The following GRB14 variants were observed in gnomAD, a reference collection of about 807,000 sequenced individuals.
GRB14 encodes the protein growth factor receptor bound protein 14.
GRB14 carries 38 observed loss-of-function variants against 69.1 expected under a neutral mutation model. The observed-to-expected ratio is 0.55, with a 90% CI of 0.42 to 0.72. The LOEUF is 0.72. GRB14 is among the 30% of genes least tolerant of loss of function. GRB14 has a pLI of 0.00. For synonymous variants in GRB14, 247 were observed against 241.3 expected (o/e 1.02, Z -0.22); for missense variants, 666 against 666.1 (o/e 1.00, Z 0.00).
intron 2 of GRB14, among the ~76,000 whole-genome samples, chr2:164,574,683 T>C (rs535856934): frequency 2.6e-5 from 4 of 152,258 alleles, no homozygotes; most frequent in African/African-American, 9.6e-5. Context: ...CTTATGCCTG[T>C]AATCCCAGCC....
intron 3 of GRB14, among the ~76,000 whole-genome samples, chr2:164,534,786 T>C (rs1195466108): frequency 7.2e-5 from 11 of 152,200 alleles, no homozygotes; most frequent in Non-Finnish European, 1.6e-4. Flanking sequence ...TTTGCTGCTA[T>C]GTTCAAAACC....
chr2:164,493,823 AAG>A (rs1250049356), intron 13 of GRB14, among the ~76,000 whole-genome samples: 3 of 152,182 alleles, frequency 2.0e-5, no homozygotes, highest in Admixed American at 1.3e-4. Flanking sequence ...CCTTTCCAAA[AAG>A]ACTGAATCTT....
intron 2 of GRB14, among the ~76,000 whole-genome samples, chr2:164,551,912 G>A (rs866729631): frequency 6.6e-6 from 1 of 152,212 alleles, no homozygotes; most frequent in Non-Finnish European, 1.5e-5. Flanking sequence ...TGGTTCTGCA[G>A]GCTGGAAAAG....
intron 2 of GRB14, chr2:164,568,560 G>C: frequency 2.6e-6 from 2 of 770,474 alleles, no homozygotes; most frequent in South Asian, 9.6e-5. Flanking sequence ...TGTGGGACAG[G>C]ACAAGGCAGC....
chr2:164,608,659 G>T (rs961493361), intron 2 of GRB14, among the ~76,000 whole-genome samples: 1 of 151,752 alleles, frequency 6.6e-6, no homozygotes, highest in Non-Finnish European at 1.5e-5. Flanking sequence ...GTGCTAGGAA[G>T]TACATAGAAT....
chr2:164,600,695 T>G (rs968996962), intron 2 of GRB14, among the ~76,000 whole-genome samples: 3 of 152,172 alleles, frequency 2.0e-5, no homozygotes, highest in Non-Finnish European at 4.4e-5. Flanking sequence ...TCCTAAAGCA[T>G]TACATGTAAA....
intron 6 of GRB14, among the ~76,000 whole-genome samples, chr2:164,512,587 G>A (rs1687368607): frequency 6.6e-6 from 1 of 152,234 alleles, no homozygotes; most frequent in Admixed American, 6.5e-5. Flanking sequence ...TTCACTACGT[G>A]CTGACTGTAG....
chr2:164,516,341 A>T (rs980147013), intron 6 of GRB14, among the ~76,000 whole-genome samples: 5 of 152,126 alleles, frequency 3.3e-5, no homozygotes, highest in African/African-American at 9.7e-5. Flanking sequence ...TATAAAAGAA[A>T]ACCTACCATG....
At chr2:164,496,479 G>A (rs1028233399) in intron 12 of GRB14, among the ~76,000 whole-genome samples, 1 of 151,912 alleles carries the variant, frequency 6.6e-6, no homozygotes, top group South Asian at 2.1e-4. Context: ...CTCTTTTCAC[G>A]GATCTATATT....
intron 2 of GRB14, among the ~76,000 whole-genome samples, chr2:164,552,866 G>A (rs935147372): frequency 6.6e-5 from 10 of 152,132 alleles, no homozygotes; most frequent in African/African-American, 2.2e-4. Flanking sequence ...CTAAACACTC[G>A]TGGGTGCTTC....
chr2:164,512,967 T>C (rs1020263882), intron 6 of GRB14, among the ~76,000 whole-genome samples: 1 of 152,242 alleles, frequency 6.6e-6, no homozygotes, highest in Non-Finnish European at 1.5e-5. Flanking sequence ...TTCCTGTTTA[T>C]TTTTATTTTC....
chr2:164,505,318 AGT>A (rs143000923), intron 8 of GRB14, among the ~76,000 whole-genome samples: 4,960 of 152,296 alleles, frequency 0.033, 256 homozygotes, highest in African/African-American at 0.11. Flanking sequence ...GAAAGCTTTT[AGT>A]GTATTTCACC....
Position 164,525,090 on chromosome 2 carries a change from AC to A in GRB14, c.604-13del. 6.6e-7 allele frequency: 1 copy of A among 1,514,120 alleles called. No individual in the cohort carries two copies. The highest frequency in any genetic ancestry group is 1.2e-5 in the South Asian group (1 of 85,626). The allele number at this position is 1,514,120 out of a possible 1,614,324, so 93.8% of individuals were successfully genotyped here. On this transcript the variant is annotated splice_polypyrimidine_tract_variant and intron_variant, in intron 4 of 13. Coordinates refer to ENST00000263915, the MANE Select transcript of GRB14 (RefSeq NM_004490.3). ...TCTGGAAAAAAATACTGTCAAAAAG[AC>A]ACAGTTAAATTATCACAAAATTCAT...
rs890537896 is a variant in GRB14 at position 164,574,433 on chromosome 2, G to A, written c.325-26617C>T. Among the ~76,000 whole-genome samples, 7 of 151,812 alleles carry A rather than the reference G, an allele frequency of 4.6e-5. No homozygotes were observed. The South Asian group carries it at 6.2e-4, about 14-fold the overall frequency. On this transcript the variant is annotated intron_variant, in intron 2 of 13. Coordinates refer to ENST00000263915, the MANE Select transcript of GRB14 (RefSeq NM_004490.3). ...ATTTTTGTATTTTTAGTAGAGACGG[G>A]GTTCACCACGTTGGCCAGGATGGTC...
chr2:164,588,628 T>C (rs1689590086), intron 2 of GRB14, among the ~76,000 whole-genome samples: 2 of 152,190 alleles, frequency 1.3e-5, no homozygotes, highest in South Asian at 2.1e-4. Flanking sequence ...CCAGGACATA[T>C]ATATGCAGCA....
chr2:164,494,299 CA>C, intron 13 of GRB14, 131 bp downstream of exon 13: 1 of 608,470 alleles, frequency 1.6e-6, no homozygotes, highest in Non-Finnish European at 3.0e-6. Context: ...AGTCAAAGCA[CA>C]AGCTGCCAAA....
At chr2:164,500,601 C>T (rs1011765307) in intron 9 of GRB14, among the ~76,000 whole-genome samples, 2 of 152,024 alleles carry the variant, frequency 1.3e-5, no homozygotes, top group African/African-American at 4.8e-5. Flanking sequence ...CTTCCCAAAA[C>T]AGATTCTAAG....
intron 2 of GRB14, among the ~76,000 whole-genome samples, chr2:164,554,046 TAC>T (rs1688614021): frequency 6.6e-6 from 1 of 152,144 alleles, no homozygotes; most frequent in Non-Finnish European, 1.5e-5. Flanking sequence ...AAAGAATTAC[TAC>T]ACTAAACCTT....
intron 2 of GRB14, among the ~76,000 whole-genome samples, chr2:164,603,808 C>A (rs971205964): frequency 6.6e-6 from 1 of 151,880 alleles, no homozygotes; most frequent in East Asian, 1.9e-4. Context: ...ACACTATAAA[C>A]AAAGTTAAAG....
Sources: allele counts gnomAD v4.1 joint callset (sites outside exome capture counted in the v4.1 genomes callset), GRCh38; gene constraint gnomAD v4.1.1; transcripts MANE v1.5; gene names NCBI Gene and HGNC (gene_info 2026-07-23, HGNC 2026-07-21).